The following C1orf141 variants were observed in gnomAD, a reference collection of about 807,000 sequenced individuals.
C1orf141 encodes uncharacterized protein C1orf141.
In C1orf141, 19 loss-of-function variants were observed where a neutral mutation model predicts 23.2. The observed-to-expected ratio is 0.82, with a 90% CI of 0.57 to 1.20. The LOEUF is 1.20. C1orf141 is among the 50% of genes most tolerant of loss of function. The pLI is 0.00. For synonymous variants in C1orf141, 153 were observed against 154.6 expected, an observed-to-expected ratio of 0.99 and a Z score of 0.08; for missense variants, 469 against 455.1, an observed-to-expected ratio of 1.03 and a Z score of -0.28.
At chr1:67,134,155 C>T (rs1430214073) in intron 1 of C1orf141, among the ~76,000 whole-genome samples, 2 of 152,184 alleles carry the variant, frequency 1.3e-5, no homozygotes, top group African/African-American at 4.8e-5. Context: ...AGGCGCCCAC[C>T]ACCATGCCCG....
At chr1:67,112,606 G>A (rs997961769) in intron 5 of C1orf141, among the ~76,000 whole-genome samples, 1 of 152,100 alleles carries the variant, frequency 6.6e-6, no homozygotes, top group Non-Finnish European at 1.5e-5. Flanking sequence ...AGAGACTGAG[G>A]TGGGAGGATT....
chr1:67,096,235 AT>A lies in C1orf141; in HGVS notation c.416+16del. On this transcript the variant is annotated intron_variant, in intron 6 of 7. Coordinates refer to ENST00000684719, the MANE Select transcript of C1orf141 (RefSeq NM_001276351.2). Reference sequence around the variant, plus strand: ...CATTAAACAGAACAAAGTATTAAGCATTTTAAAATAAATTACCTTTTATTTC... The same window carrying A: ...CATTAAACAGAACAAAGTATTAAGCATTTAAAATAAATTACCTTTTATTTC... The A allele has an allele frequency of 8.5e-7, 1 of 1,182,662 alleles. No homozygotes were observed. The highest frequency in any genetic ancestry group is 1.2e-6 in the Non-Finnish European group (1 of 814,356). 73.3% of individuals were successfully genotyped at this position (1,182,662 alleles called of 1,614,324 possible).
intron 1 of C1orf141, among the ~76,000 whole-genome samples, chr1:67,131,665 T>TCCTGCC (rs1355638829): frequency 1.3e-5 from 2 of 152,086 alleles, no homozygotes; most frequent in African/African-American, 4.8e-5. Flanking sequence ...CCTGGACACG[T>TCCTGCC]CCTGCCCTTT....
chr1:67,110,042 ATTAT>A (rs1646032243), intron 5 of C1orf141, among the ~76,000 whole-genome samples: 1 of 152,176 alleles, frequency 6.6e-6, no homozygotes, highest in Non-Finnish European at 1.5e-5. Flanking sequence ...AAATGAAATG[ATTAT>A]TTATAAATAA....
At chr1:67,107,705 G>A (rs144443783) in intron 5 of C1orf141, among the ~76,000 whole-genome samples, 7,035 of 152,170 alleles carry the variant, frequency 0.046, 182 homozygotes, top group African/African-American at 0.063. Flanking sequence ...CCTGACCAAC[G>A]TGGAGAAACC....
rs1646175473 is a variant in C1orf141, at chr1:67,115,472, A to T, written c.234-8T>A. ...CATTTGAAAGAGACATGCCTGGAAGAAATAAAAATTAATTTAAATTAAAAT... is the reference window on the plus strand; with the variant it reads ...CATTTGAAAGAGACATGCCTGGAAGTAATAAAAATTAATTTAAATTAAAAT... On this transcript the variant is annotated splice_region_variant and splice_polypyrimidine_tract_variant and intron_variant, in intron 4 of 7. Coordinates refer to ENST00000684719, the MANE Select transcript of C1orf141 (RefSeq NM_001276351.2). The T allele has an allele frequency of 1.3e-5, 14 of 1,085,752 alleles. No homozygotes were observed. The East Asian group carries it at 3.5e-4, about 27-fold the overall frequency. 67.3% of individuals were successfully genotyped at this position (1,085,752 alleles called of 1,614,324 possible). A position where few individuals can be genotyped will look rare whatever the true frequency, so the allele number is the denominator to read the frequency against.
At chr1:67,102,620 G>C (rs559798325) in intron 5 of C1orf141, 1 of 152,204 alleles carries the variant, frequency 6.6e-6, no homozygotes, top group South Asian at 2.1e-4. Flanking sequence ...TGACGAAAGA[G>C]AGAGGAACTG....
chr1:67,112,590 T>C (rs191282935), intron 5 of C1orf141, among the ~76,000 whole-genome samples: 57 of 152,140 alleles, frequency 3.7e-4, no homozygotes, highest in African/African-American at 1.1e-3. Context: ...TAGTCTCAGC[T>C]ACTCAAGAGA....
Position 67,125,815 on chromosome 1 carries a change from G to T in C1orf141, c.170C>A (p.Ser57Tyr). 6 of 1,613,716 alleles carry T rather than the reference G, an allele frequency of 3.7e-6. No individual in the cohort carries two copies. The highest frequency in any genetic ancestry group is 5.1e-6 in the Non-Finnish European group (6 of 1,179,808). Reference protein sequence around the residue: ...QLEFEEALATSASKAISKIKE... With the variant: ...QLEFEEALATYASKAISKIKE... ...GATCTTTGATATTGCCTTAGACGCG[G>T]ATGTAGCAAGAGCTTCTTCAAATTC... Residue 57 changes from serine (S) to tyrosine (Y), a missense_variant, in exon 4 of 8, where the codon TCC becomes TAC. By Grantham distance (144) the Ser-to-Tyr change is moderately radical. Around this residue, in one of 3 missense-constraint regions of C1orf141, gnomAD observed 95 missense variants for 90.3 expected, o/e 1.05. Transcript: ENST00000684719.
At chr1:67,129,029 T>C (rs1457238807) in intron 2 of C1orf141, among the ~76,000 whole-genome samples, 2 of 152,168 alleles carry the variant, frequency 1.3e-5, no homozygotes, top group East Asian at 1.9e-4. Flanking sequence ...TACTCTTTTT[T>C]CCTTCACCAT....
At chr1:67,120,795 T>C (rs1646283690) in intron 4 of C1orf141, among the ~76,000 whole-genome samples, 1 of 102,640 alleles carries the variant, frequency 9.7e-6, no homozygotes, top group African/African-American at 3.1e-5. Context: ...TATAGCAGCT[T>C]GAACTGACTA....
At chr1:67,108,782 A>C (rs1015357022) in intron 5 of C1orf141, among the ~76,000 whole-genome samples, 16 of 152,272 alleles carry the variant, frequency 1.1e-4, no homozygotes, top group African/African-American at 3.8e-4. Context: ...AAAGTAGGCA[A>C]AGGATATGAA....
intron 5 of C1orf141, among the ~76,000 whole-genome samples, chr1:67,101,508 CAG>C (rs1267842044): frequency 6.5e-5 from 9 of 137,436 alleles, no homozygotes; most frequent in South Asian, 2.4e-4. Context: ...GTGGTTATAA[CAG>C]GGGATTTTTT....
rs752417780 is a variant in C1orf141, at chr1:67,095,326, C to T, written c.512G>A (p.Ser171Asn). The change falls in exon 7 of 8, where the codon AGC becomes AAC. Residue 171 changes from serine (S) to asparagine (N), a missense_variant. Physicochemically the swap from Ser to Asn is conservative, Grantham distance 46 (BLOSUM62 1). Around this residue, in one of 3 missense-constraint regions of C1orf141, gnomAD observed 370 missense variants for 348.1 expected, o/e 1.06. Coordinates refer to ENST00000684719, the MANE Select transcript of C1orf141 (RefSeq NM_001276351.2). ...LSKYRSVRKK[S>N]LLPLCFEDEL... The stretch of plus-strand genomic sequence containing the variant: ...ATCCTCAAAGCACAACGGGAGCAAG[C>T]TTTTCTTTCTTACTGACCTATACTT... 3 of 1,600,478 alleles carry T rather than the reference C, an allele frequency of 1.9e-6. No homozygotes were observed. The highest frequency in any genetic ancestry group is 2.6e-6 in the Non-Finnish European group (3 of 1,168,908).
intron 3 of C1orf141, among the ~76,000 whole-genome samples, chr1:67,126,125 T>A (rs1051007103): frequency 6.6e-6 from 1 of 152,064 alleles, no homozygotes; most frequent in African/African-American, 2.4e-5. Flanking sequence ...GTTGTTCTTT[T>A]CCCATCTGTA....
Position 67,125,927 on chromosome 1 carries a change from TGAA to T in C1orf141, c.76-21_76-19del, listed in dbSNP as rs1646402132. Reference sequence around the variant, plus strand: ...CTGTTTATCTGCAGCAATGCCAAAGTGAAAAAAAAAAAAAAAAAAAGAGTACTT... The same window carrying T: ...CTGTTTATCTGCAGCAATGCCAAAGTAAAAAAAAAAAAAAAAAGAGTACTT... On this transcript the variant is annotated intron_variant, in intron 3 of 7. Transcript: ENST00000684719. The T allele has an allele frequency of 2.0e-5, 22 of 1,112,028 alleles. No homozygotes were observed. Among genetic ancestry groups the T allele is most frequent in the East Asian group, 7.2e-5 (2 of 27,634 alleles). The allele number at this position is 1,112,028 out of a possible 1,614,324, so 68.9% of individuals were successfully genotyped here.
intron 1 of C1orf141, among the ~76,000 whole-genome samples, chr1:67,133,789 G>A (rs1386367389): frequency 6.6e-6 from 1 of 152,114 alleles, no homozygotes; most frequent in South Asian, 2.1e-4. Context: ...CAAGGAGCGA[G>A]GCCTCTGAAG....
intron 4 of C1orf141, among the ~76,000 whole-genome samples, chr1:67,125,171 C>G (rs151214021): frequency 7.4e-4 from 112 of 152,246 alleles, no homozygotes; most frequent in African/African-American, 2.6e-3. Flanking sequence ...TAAATCCTGA[C>G]ATTAATTTGG....
At chr1:67,114,000 G>T (rs1285574632) in intron 5 of C1orf141, among the ~76,000 whole-genome samples, 1 of 152,176 alleles carries the variant, frequency 6.6e-6, no homozygotes, top group Middle Eastern at 3.2e-3. Context: ...GAGAGTATTT[G>T]TGATGTGAAG....
Sources: allele counts gnomAD v4.1 joint callset (sites outside exome capture counted in the v4.1 genomes callset), GRCh38; gene constraint gnomAD v4.1.1; regional missense constraint gnomAD v4.1.1; transcripts MANE v1.5; gene names NCBI Gene and HGNC (gene_info 2026-07-23, HGNC 2026-07-21).